Variants in SYT14 observed in about 807,000 individuals in gnomAD.
SYT14 encodes synaptotagmin 14, also known as synaptotagmin-14.
SYT14 carries 32 observed loss-of-function variants against 74.2 expected under a neutral mutation model. The ratio of observed to expected loss-of-function variants is 0.43; its 90% CI spans 0.33 to 0.58. SYT14 has a LOEUF of 0.58. SYT14 is among the 20% of genes least tolerant of loss of function. The pLI is 0.05. For synonymous variants in SYT14, 298 were observed against 337.7 expected, an observed-to-expected ratio of 0.88 and a Z score of 1.29; for missense variants, 791 against 981.8, an observed-to-expected ratio of 0.81 and a Z score of 2.60.
At chr1:210,142,154 G>C (rs2082928435) in intron 7 of SYT14, among the ~76,000 whole-genome samples, 1 of 152,164 alleles carries the variant, frequency 6.6e-6, no homozygotes, top group Non-Finnish European at 1.5e-5. Flanking sequence ...TGAAGATGGG[G>C]CTCCTGGGCA....
intron 1 of SYT14, among the ~76,000 whole-genome samples, chr1:209,947,250 T>C (rs1451992101): frequency 6.6e-6 from 1 of 152,188 alleles, no homozygotes; most frequent in East Asian, 1.9e-4. Context: ...ATTTAGGAAA[T>C]ATATTGTGTA....
At chr1:210,100,574 A>G (rs2082046298) in intron 7 of SYT14, 113 bp downstream of exon 6, 1 of 1,045,492 alleles carries the variant, frequency 9.6e-7, no homozygotes, top group Admixed American at 2.0e-5. Flanking sequence ...TTTTTTACAT[A>G]GTAATCATGC....
At chr1:210,170,643 TTGA>T (rs991154022) in exon 10 of SYT14, 2 of 152,156 alleles carry the variant, frequency 1.3e-5, no homozygotes, top group Admixed American at 6.5e-5. Context: ...TCTGACTTCA[TTGA>T]TGATGATACA....
chr1:209,997,081 C>A (rs1229570728), intron 2 of SYT14, among the ~76,000 whole-genome samples: 3 of 151,922 alleles, frequency 2.0e-5, no homozygotes, highest in African/African-American at 7.3e-5. Flanking sequence ...TCTTAACACT[C>A]TTCTTCAACA....
intron 7 of SYT14, among the ~76,000 whole-genome samples, chr1:210,152,827 GGTTTA>G (rs1267915573): frequency 6.6e-6 from 1 of 151,414 alleles, no homozygotes; most frequent in African/African-American, 2.4e-5. Flanking sequence ...GGAACATAAT[GGTTTA>G]GTTCTGCTTG....
chr1:210,053,779 AC>A (rs2081045865), intron 5 of SYT14, among the ~76,000 whole-genome samples: 1 of 152,116 alleles, frequency 6.6e-6, no homozygotes, highest in African/African-American at 2.4e-5. Context: ...TCATCACAGC[AC>A]CTTTAATTTT....
rs544287767 is a variant in SYT14 at position 210,027,423 on chromosome 1, A to G, written c.1312+6169A>G. On this transcript the variant is annotated intron_variant, in intron 5 of 9. Coordinates refer to ENST00000637265, the Ensembl canonical transcript of SYT14. Reference sequence around the variant, plus strand: ...GAGTGAGACCCTGTTCCCAAAAAAAAAAAAAGTCATAAGGAAAAGAAAATA... The same window carrying G: ...GAGTGAGACCCTGTTCCCAAAAAAAGAAAAAGTCATAAGGAAAAGAAAATA... 9.9e-5 allele frequency among the ~76,000 whole-genome samples: 15 copies of G among 152,080 alleles called. No individual in the cohort carries two copies. In the South Asian group the frequency reaches 3.1e-3, roughly 32 times the overall value.
chr1:209,942,137 G>A (rs2078740581), intron 1 of SYT14, among the ~76,000 whole-genome samples: 1 of 152,138 alleles, frequency 6.6e-6, no homozygotes. Flanking sequence ...CTCAAGCCAA[G>A]TTTCTATGCA....
intron 5 of SYT14, among the ~76,000 whole-genome samples, chr1:210,026,826 TTAAC>T (rs2080424396): frequency 6.6e-6 from 1 of 152,116 alleles, no homozygotes; most frequent in South Asian, 2.1e-4. Context: ...TAAGTCCATT[TTAAC>T]TGTTATATTA....
intron 5 of SYT14, among the ~76,000 whole-genome samples, chr1:210,069,813 A>T (rs1369176550): frequency 2.0e-5 from 3 of 150,632 alleles, no homozygotes; most frequent in Non-Finnish European, 4.4e-5. Context: ...TCTCTCTGTT[A>T]TACCTTTTTT....
intron 8 of SYT14, among the ~76,000 whole-genome samples, chr1:210,157,471 G>A (rs192795351): frequency 7.7e-4 from 115 of 149,306 alleles, no homozygotes; most frequent in African/African-American, 2.8e-3. Context: ...CAGGTGCAGT[G>A]GCTCACAAGG....
In SYT14 at chr1:210,054,428, T is replaced by C. The variant is rs142775040; in HGVS notation, c.1312+33174T>C. Among the ~76,000 whole-genome samples, 723 of 152,334 alleles carry C rather than the reference T, an allele frequency of 4.7e-3. 4 individuals are homozygous for C. Among genetic ancestry groups the C allele is most frequent in the African/African-American group, 0.014 (564 of 41,588 alleles). ...TTAAGTAATTGTTCCTATTTTATGA[T>C]TGTAATATCTTTTCATCACTAAGGA... On this transcript the variant is annotated intron_variant, in intron 5 of 9. Transcript: ENST00000637265.
intron 5 of SYT14, among the ~76,000 whole-genome samples, chr1:210,024,100 A>C (rs752405480): frequency 2.0e-5 from 3 of 152,182 alleles, no homozygotes; most frequent in Admixed American, 6.5e-5. Flanking sequence ...ATCTGAGGGA[A>C]TAGAAGATAA....
At chr1:210,064,769 G>A (rs2081267064) in intron 5 of SYT14, among the ~76,000 whole-genome samples, 1 of 151,860 alleles carries the variant, frequency 6.6e-6, no homozygotes, top group African/African-American at 2.4e-5. Context: ...CAGTTATTTT[G>A]GGTGTATACC....
chr1:209,984,755 C>T (rs2079543486), intron 2 of SYT14, among the ~76,000 whole-genome samples: 1 of 152,154 alleles, frequency 6.6e-6, no homozygotes, highest in Admixed American at 6.5e-5. Context: ...GCTGTATAAG[C>T]ATGGCACTGG....
chr1:210,069,264 A>G (rs932624851), intron 5 of SYT14, among the ~76,000 whole-genome samples: 5 of 151,958 alleles, frequency 3.3e-5, no homozygotes, highest in Non-Finnish European at 2.9e-5. Flanking sequence ...ATTCTTCGTT[A>G]TAAGTTTCAG....
At chr1:210,087,002 G>A (rs1162732722) in intron 5 of SYT14, among the ~76,000 whole-genome samples, 1 of 152,128 alleles carries the variant, frequency 6.6e-6, no homozygotes, top group African/African-American at 2.4e-5. Flanking sequence ...CCTTCACTCT[G>A]TTTGAGTTTG....
chr1:210,029,593 ACT>A (rs2080485084), intron 5 of SYT14, among the ~76,000 whole-genome samples: 1 of 151,860 alleles, frequency 6.6e-6, no homozygotes, highest in Non-Finnish European at 1.5e-5. Flanking sequence ...TTATTTCAGG[ACT>A]CTCTGTTTCA....
intron 2 of SYT14, among the ~76,000 whole-genome samples, chr1:210,000,466 G>GCACGCACACACACA (rs1553264182): frequency 7.0e-6 from 1 of 143,102 alleles, no homozygotes; most frequent in African/African-American, 2.6e-5. Context: ...GTCCTCATAC[G>GCACGCACACACACA]CACACACACA....
Sources: gnomAD v4.1 joint callset for allele counts (sites outside exome capture counted in the v4.1 genomes callset) on GRCh38, gnomAD v4.1.1 for gene constraint, MANE v1.5 for transcripts, NCBI Gene and HGNC (gene_info 2026-07-23, HGNC 2026-07-21) for gene names.